ATXN3: variants seen among roughly 807,000 people sequenced by gnomAD.
ATXN3 encodes the protein ataxin-3.
In ATXN3, 28 loss-of-function variants were observed where a neutral mutation model predicts 58.2. That is an observed-to-expected ratio of 0.48 (90% CI 0.36 to 0.66). The LOEUF (loss-of-function observed/expected upper bound fraction) is 0.66, where lower values mean the gene tolerates loss of function less well. ATXN3 is among the 30% of genes least tolerant of loss of function. The pLI is 0.00. For missense variants in ATXN3, 321 were observed against 422.1 expected, an observed-to-expected ratio of 0.76 and a Z score of 2.10; for synonymous variants, 113 against 138.5, an observed-to-expected ratio of 0.82 and a Z score of 1.29.
chr14:92,103,828 A>G (rs1177305657), intron 1 of ATXN3, among the ~76,000 whole-genome samples: 1 of 152,220 alleles, frequency 6.6e-6, no homozygotes, highest in East Asian at 1.9e-4. Context: ...TGCTACCTAC[A>G]CAGCTTCTTT....
At chr14:92,058,462 G>T, downstream of ATXN3, 1 of 152,230 alleles carries the variant, frequency 6.6e-6, no homozygotes, top group East Asian at 1.9e-4. Context: ...CTCCTGGGTA[G>T]CTGGAACTGT....
At chr14:92,072,953 T>C (rs1278206063) in intron 9 of ATXN3, among the ~76,000 whole-genome samples, 1 of 152,228 alleles carries the variant, frequency 6.6e-6, no homozygotes, top group Non-Finnish European at 1.5e-5. Context: ...CTGACCTGTG[T>C]GTAGGTGTAA....
chr14:92,057,483 C>T (rs929891687), downstream of ATXN3, among the ~76,000 whole-genome samples: 40 of 152,246 alleles, frequency 2.6e-4, no homozygotes, highest in African/African-American at 8.9e-4. Flanking sequence ...CAGGGCTGCT[C>T]TACCTATGGG....
At chr14:92,095,302 G>A (rs1354082300) in intron 3 of ATXN3, among the ~76,000 whole-genome samples, 1 of 152,046 alleles carries the variant, frequency 6.6e-6, no homozygotes, top group Non-Finnish European at 1.5e-5. Context: ...AGAGTGCAGT[G>A]GCGCGATCTT....
chr14:92,076,449 A>C (rs2060392199), intron 9 of ATXN3, among the ~76,000 whole-genome samples: 5 of 137,856 alleles, frequency 3.6e-5, no homozygotes, highest in African/African-American at 8.5e-5. Context: ...ACCTCGTCTC[A>C]AAAAAGAAAA....
downstream of ATXN3, among the ~76,000 whole-genome samples, chr14:92,054,154 T>G (rs907463587): frequency 6.6e-6 from 1 of 152,108 alleles, no homozygotes; most frequent in African/African-American, 2.4e-5. Flanking sequence ...CAGGCTGGTC[T>G]TGAACTCTTG....
intron 2 of ATXN3, among the ~76,000 whole-genome samples, chr14:92,047,412 A>G (rs2057432672): frequency 6.6e-6 from 1 of 152,254 alleles, no homozygotes. Flanking sequence ...CAGGCGAGTG[A>G]TAACAGGCTT....
At position 92,093,983 on chromosome 14, in the gene ATXN3, G is replaced by A. The variant is rs111795258; in HGVS notation, c.235-152C>T. 2.0e-4 allele frequency: 105 copies of A among 524,402 alleles called. 2 individuals are homozygous for A. Among genetic ancestry groups the A allele is most frequent in the South Asian group, 1.7e-3 (68 of 40,974 alleles). 32.5% of individuals were successfully genotyped at this position (524,402 alleles called of 1,614,324 possible). A position where few individuals can be genotyped will look rare whatever the true frequency, so the allele number is the denominator to read the frequency against. ...TTTTGTGACAGAGTCTTGCTCTGTC[G>A]CCCAGGCTGGAGTATAGTGGCACGA... On this transcript the variant is annotated intron_variant, in intron 3 of 10. Coordinates refer to ENST00000644486, the MANE Select transcript of ATXN3 (RefSeq NM_004993.6).
chr14:92,083,355 G>GA (rs966030170), intron 6 of ATXN3, 97 bp from the exon 7 acceptor site: 14 of 1,173,878 alleles, frequency 1.2e-5, no homozygotes, highest in African/African-American at 1.6e-5. Context: ...CAGAACACTG[G>GA]AAAAAAATAC....
chr14:92,082,510 T>C (rs747520532), intron 7 of ATXN3, 44 bp from the exon 8 acceptor site: 1 of 1,537,548 alleles, frequency 6.5e-7, no homozygotes, highest in Non-Finnish European at 8.9e-7. Context: ...CAATCTTCTA[T>C]TTTAGACATA....
At chr14:92,067,058 C>T (rs889477207) in intron 10 of ATXN3, among the ~76,000 whole-genome samples, 3 of 152,108 alleles carry the variant, frequency 2.0e-5, no homozygotes, top group Admixed American at 6.6e-5. Context: ...GTGTGTGCCA[C>T]CGTGCCCAGC....
At chr14:92,057,411 T>TC (rs2057481188), downstream of ATXN3, among the ~76,000 whole-genome samples, 4 of 115,616 alleles carry the variant, frequency 3.5e-5, no homozygotes, top group African/African-American at 1.5e-4. Context: ...AGCTCTGTCT[T>TC]AAACAACAAC....
intron 1 of ATXN3, among the ~76,000 whole-genome samples, chr14:92,103,562 A>C (rs981713139): frequency 2.6e-5 from 4 of 152,000 alleles, no homozygotes; most frequent in African/African-American, 9.7e-5. Context: ...CAGCCTCCCA[A>C]GTCTACAGGC....
intron 5 of ATXN3, among the ~76,000 whole-genome samples, 153 bp from the exon 6 acceptor site, chr14:92,088,970 T>C (rs2140952323): frequency 6.6e-6 from 1 of 152,232 alleles, no homozygotes; most frequent in African/African-American, 2.4e-5. Flanking sequence ...GACTGAATAA[T>C]ATGATCTTAA....
At chr14:92,090,106 A>G (rs1197784985) in intron 5 of ATXN3, among the ~76,000 whole-genome samples, 1 of 152,176 alleles carries the variant, frequency 6.6e-6, no homozygotes, top group Non-Finnish European at 1.5e-5. Flanking sequence ...ACTATCACAT[A>G]TAACATATAA....
rs59299778 is a variant in ATXN3, at chr14:92,089,039, AAG to A, written c.388-224_388-223del. Among the ~76,000 whole-genome samples, 968 of 151,140 alleles carry A rather than the reference AAG, an allele frequency of 6.4e-3. 13 individuals carry two copies. Among genetic ancestry groups the A allele is most frequent in the African/African-American group, 0.021 (868 of 41,154 alleles). ...TTAAATACTTTTTTTTTTTTTTGAG[AAG>A]AGTCTCACTCTGTAACCCAGGCTGG... is the stretch of plus-strand genomic sequence containing the variant. On this transcript the variant is annotated intron_variant, in intron 5 of 10. Transcript: ENST00000644486.
upstream of ATXN3, among the ~76,000 whole-genome samples, chr14:92,051,822 G>A (rs984036536): frequency 3.0e-5 from 4 of 134,778 alleles, no homozygotes; most frequent in African/African-American, 1.1e-4. Context: ...TCGCCTCCCA[G>A]GTTCAAGCGG....
chr14:92,066,597 T>C (rs1332630082), intron 10 of ATXN3, among the ~76,000 whole-genome samples: 3 of 135,152 alleles, frequency 2.2e-5, no homozygotes, highest in Non-Finnish European at 3.1e-5. Flanking sequence ...AGAGTTTTTT[T>C]CTTGTTTTTT....
At chr14:92,089,057 C>T (rs999366479) in intron 5 of ATXN3, among the ~76,000 whole-genome samples, 2 of 151,332 alleles carry the variant, frequency 1.3e-5, no homozygotes, top group African/African-American at 2.4e-5. Context: ...CACTCTGTAA[C>T]CCAGGCTGGA....
Sources: gnomAD v4.1 joint callset for allele counts (sites outside exome capture counted in the v4.1 genomes callset) on GRCh38, gnomAD v4.1.1 for gene constraint, MANE v1.5 for transcripts, NCBI Gene and HGNC (gene_info 2026-07-23, HGNC 2026-07-21) for gene names.